NDUFB5: variants seen among roughly 807,000 people sequenced by gnomAD.
The protein encoded by NDUFB5 is NADH dehydrogenase [ubiquinone] 1 beta subcomplex subunit 5, mitochondrial.
NDUFB5 carries 19 observed loss-of-function variants against 19.4 expected under a neutral mutation model. That is an observed-to-expected ratio of 0.98 (90% CI 0.68 to 1.43). The LOEUF (loss-of-function observed/expected upper bound fraction) is 1.43, where lower values mean the gene tolerates loss of function less well. Among genes scored for constraint, NDUFB5 ranks in the 40% most tolerant of loss-of-function variants. The probability of loss-of-function intolerance (pLI) is 0.00; values close to 1 mark genes in which losing one functional copy is unlikely to be tolerated. For missense variants in NDUFB5, 233 were observed against 236.5 expected (o/e 0.99, Z 0.10); for synonymous variants, 80 against 82.6 (o/e 0.97, Z 0.17).
chr3:179,620,587 T>G (rs1719509903), intron 5 of NDUFB5, among the ~76,000 whole-genome samples: 1 of 152,218 alleles, frequency 6.6e-6, no homozygotes, highest in African/African-American at 2.4e-5. Context: ...CCATGCTGTT[T>G]TGGTTACTGT....
At chr3:179,610,532 G>A (rs1276998170) in intron 1 of NDUFB5, among the ~76,000 whole-genome samples, 9 of 152,086 alleles carry the variant, frequency 5.9e-5, no homozygotes, top group Non-Finnish European at 8.8e-5. Flanking sequence ...TGCTGATAGC[G>A]TCCTTTCAGA....
intron 5 of NDUFB5, among the ~76,000 whole-genome samples, chr3:179,618,957 C>A (rs938245143): frequency 1.3e-5 from 2 of 151,894 alleles, no homozygotes; most frequent in Admixed American, 6.6e-5. Flanking sequence ...TTAAAGAGTT[C>A]TTTTTTAAAT....
intron 3 of NDUFB5, 144 bp downstream of exon 3, chr3:179,616,193 A>C (rs1051499780): frequency 3.0e-6 from 2 of 660,078 alleles, no homozygotes; most frequent in Admixed American, 5.9e-5. Flanking sequence ...TTATCTTAAA[A>C]TAACCAAATC....
intron 1 of NDUFB5, among the ~76,000 whole-genome samples, chr3:179,611,014 GACTCTT>G (rs1048936860): frequency 1.3e-5 from 2 of 152,124 alleles, no homozygotes; most frequent in Admixed American, 1.3e-4. Context: ...TTGGATATGT[GACTCTT>G]GGGGTAGGTA....
At chr3:179,621,096 G>A (rs968274097) in intron 5 of NDUFB5, among the ~76,000 whole-genome samples, 9 of 151,850 alleles carry the variant, frequency 5.9e-5, no homozygotes, top group Admixed American at 2.0e-4. Flanking sequence ...CCCCCCGCCC[G>A]AGACAAAGTC....
At position 179,615,311 on chromosome 3, in the gene NDUFB5, G is replaced by A; in HGVS notation, c.213+252G>A. 1.7e-5 allele frequency: 5 copies of A among 292,906 alleles called. No individual in the cohort carries two copies. In the South Asian group the frequency reaches 2.2e-4, roughly 13 times the overall value. 18.1% of individuals were successfully genotyped at this position (292,906 alleles called of 1,614,324 possible). A position where few individuals can be genotyped will look rare whatever the true frequency, so the allele number is the denominator to read the frequency against. ...ACTTGAACCATTCCTTTCTTCTGAA[G>A]ATTATGGCGTTTCGAAATAGAATCT... On this transcript the variant is annotated intron_variant, in intron 2 of 5. Transcript: ENST00000259037.
At chr3:179,605,432 C>G (rs939942819) in intron 1 of NDUFB5, among the ~76,000 whole-genome samples, 1 of 152,078 alleles carries the variant, frequency 6.6e-6, no homozygotes, top group African/African-American at 2.4e-5. Flanking sequence ...TGCAGATGAA[C>G]TGGGGAGGAA....
intron 1 of NDUFB5, among the ~76,000 whole-genome samples, chr3:179,612,366 CAA>C (rs1231498130): frequency 6.8e-6 from 1 of 146,528 alleles, no homozygotes; most frequent in African/African-American, 2.5e-5. Context: ...TACTTTGAAA[CAA>C]TATTAATAAG....
intron 3 of NDUFB5, 106 bp downstream of exon 3, chr3:179,616,155 T>G (rs1576881822): frequency 6.2e-6 from 5 of 812,860 alleles, no homozygotes; most frequent in Non-Finnish European, 9.8e-6. Flanking sequence ...GAAAAGCTCT[T>G]TAAATAATTA....
chr3:179,606,743 G>A (rs923937174), intron 1 of NDUFB5, among the ~76,000 whole-genome samples: 4 of 152,202 alleles, frequency 2.6e-5, no homozygotes, highest in Non-Finnish European at 5.9e-5. Context: ...TAAAGAGGAA[G>A]TGAAACACTT....
chr3:179,618,559 TC>T (rs1433338935), intron 5 of NDUFB5, 38 bp downstream of exon 5: 9 of 1,382,282 alleles, frequency 6.5e-6, no homozygotes, highest in African/African-American at 2.9e-5. Context: ...AAGAAAATCT[TC>T]CTAAGGTAGC....
chr3:179,614,901 A>C, intron 1 of NDUFB5, 70 bp from the exon 2 acceptor site: 1 of 1,096,312 alleles, frequency 9.1e-7, no homozygotes, highest in Non-Finnish European at 1.3e-6. Flanking sequence ...TTATAATCTG[A>C]TTTTAACTCA....
At chr3:179,616,859 T>C (rs1560025817) in intron 3 of NDUFB5, 124 bp from the exon 4 acceptor site, 4 of 674,706 alleles carry the variant, frequency 5.9e-6, no homozygotes, top group Non-Finnish European at 7.7e-6. Flanking sequence ...CATATCTTCA[T>C]TGGTACAAAT....
At chr3:179,622,872 G>A (rs949950394) in intron 5 of NDUFB5, among the ~76,000 whole-genome samples, 7 of 152,122 alleles carry the variant, frequency 4.6e-5, no homozygotes, top group African/African-American at 1.7e-4. Context: ...GATGGAGAAG[G>A]GACTACTTCA....
chr3:179,604,974 G>T (rs1478589347), intron 1 of NDUFB5, 35 bp downstream of exon 1: 4 of 1,518,064 alleles, frequency 2.6e-6, no homozygotes, highest in Non-Finnish European at 3.5e-6. Flanking sequence ...GGCGTGAAGC[G>T]GGTGCGGGGC....
At chr3:179,615,666 T>C (rs1198277882) in intron 2 of NDUFB5, 3 of 503,190 alleles carry the variant, frequency 6.0e-6, no homozygotes, top group Non-Finnish European at 7.7e-6. Flanking sequence ...AAACTTTCTC[T>C]TGCCCTTCCG....
In NDUFB5 at chr3:179,607,701, G is replaced by A. The variant is rs999291116; in HGVS notation, c.124+2762G>A. The A allele has an allele frequency of 8.6e-6, 6 of 693,674 alleles. No homozygotes were observed. The Admixed American group carries it at 1.3e-4, about 15-fold the overall frequency. The allele number at this position is 693,674 out of a possible 1,614,324, so 43.0% of individuals were successfully genotyped here. On this transcript the variant is annotated intron_variant, in intron 1 of 5. Transcript: ENST00000259037. ...CCAACTCCAGAACTTTTTTCATATG[G>A]TAAAACTAAAACTCTGTATCCGTTA...
intron 1 of NDUFB5, among the ~76,000 whole-genome samples, chr3:179,610,236 G>A: frequency 6.6e-6 from 1 of 152,096 alleles, no homozygotes; most frequent in Non-Finnish European, 1.5e-5. Context: ...GGGATGACGG[G>A]TGCACACCAC....
rs750075179 is a variant in NDUFB5, at chr3:179,623,940, G to T, written c.470G>T (p.Arg157Leu). Reference sequence around the variant, plus strand: ...TACAGGGTAAAGGAGCTGGAAGTGCGAAAATTGATGCATGTGAGAGGAGAT... The same window carrying T: ...TACAGGGTAAAGGAGCTGGAAGTGCTAAAATTGATGCATGTGAGAGGAGAT... ...AELRVKELEV[R>L]KLMHVRGDGP... is the part of the protein sequence containing the mutation. The change falls in exon 6 of 6, where the codon CGA becomes CTA. Residue 157 changes from arginine (R) to leucine (L), a missense_variant. Physicochemically the swap from Arg to Leu is moderately radical, Grantham distance 102. Transcript: ENST00000259037. 15 of 1,613,638 alleles carry T rather than the reference G, an allele frequency of 9.3e-6. No homozygotes were observed. The Middle Eastern group carries it at 6.6e-4, about 71-fold the overall frequency.
Sources: allele counts gnomAD v4.1 joint callset (sites outside exome capture counted in the v4.1 genomes callset), GRCh38; gene constraint gnomAD v4.1.1; transcripts MANE v1.5; gene names NCBI Gene and HGNC (gene_info 2026-07-23, HGNC 2026-07-21).